The following TNFRSF21 variants were observed in gnomAD, a reference collection of about 807,000 sequenced individuals.
TNFRSF21 encodes tumor necrosis factor receptor superfamily member 21.
Under a neutral mutation model 45.6 loss-of-function variants are expected in TNFRSF21, and 19 were observed. The ratio of observed to expected loss-of-function variants is 0.42; its 90% confidence interval spans 0.29 to 0.61. The LOEUF is 0.61. Ranked by LOEUF, TNFRSF21 falls within the 20% of genes least tolerant of loss-of-function variation. TNFRSF21 has a pLI of 0.23. For synonymous variants in TNFRSF21, 314 were observed against 335.5 expected (o/e 0.94, Z 0.70); for missense variants, 737 against 851.5 (o/e 0.87, Z 1.67).
At chr6:47,299,990 A>T (rs139341280) in intron 1 of TNFRSF21, among the ~76,000 whole-genome samples, 1 of 152,326 alleles carries the variant, frequency 6.6e-6, no homozygotes, top group South Asian at 2.1e-4. Flanking sequence ...GGAAACAACC[A>T]AAAAGGAAAA....
Position 47,260,751 on chromosome 6 carries a change from C to A in TNFRSF21, c.1244-7230G>T, listed in dbSNP as rs192148517. 2.0e-5 allele frequency among the ~76,000 whole-genome samples: 3 copies of A among 152,276 alleles called. No individual in the cohort carries two copies. In the East Asian group the frequency reaches 5.8e-4, roughly 29 times the overall value. On this transcript the variant is annotated intron_variant, in intron 3 of 5. Coordinates refer to ENST00000296861, the MANE Select transcript of TNFRSF21 (RefSeq NM_014452.5). ...GGCTGCCTGGAACTATACAACATAG[C>A]ACTCAGTTTCATGCTGCACAATCAG... is the stretch of plus-strand genomic sequence containing the variant.
chr6:47,282,326 G>A (rs887773979), intron 3 of TNFRSF21, among the ~76,000 whole-genome samples: 2 of 150,452 alleles, frequency 1.3e-5, no homozygotes, highest in African/African-American at 4.9e-5. Flanking sequence ...TGAAGTTGTG[G>A]TGAGCTGAGA....
At chr6:47,303,273 T>C (rs144784806) in intron 1 of TNFRSF21, among the ~76,000 whole-genome samples, 11 of 152,368 alleles carry the variant, frequency 7.2e-5, no homozygotes, top group South Asian at 2.1e-4. Context: ...AAAGATTAGA[T>C]AATGAGCCTT....
At chr6:47,304,827 T>C (rs571445530) in intron 1 of TNFRSF21, among the ~76,000 whole-genome samples, 2 of 152,314 alleles carry the variant, frequency 1.3e-5, no homozygotes, top group East Asian at 1.9e-4. Context: ...TGTACTGGAC[T>C]TGGGGAAGAT....
intron 1 of TNFRSF21, among the ~76,000 whole-genome samples, chr6:47,303,914 T>C (rs187034888): frequency 2.0e-4 from 31 of 152,376 alleles, no homozygotes; most frequent in Non-Finnish European, 3.7e-4. Context: ...CCCAGCCTTC[T>C]GCTAATGCTA....
chr6:47,292,522 C>T (rs1762742588), intron 1 of TNFRSF21, among the ~76,000 whole-genome samples: 1 of 152,222 alleles, frequency 6.6e-6, no homozygotes, highest in East Asian at 1.9e-4. Flanking sequence ...TTTTGGACAC[C>T]CTGAACTAAG....
At chr6:47,239,542 T>C (rs1158227146) in intron 4 of TNFRSF21, among the ~76,000 whole-genome samples, 1 of 152,186 alleles carries the variant, frequency 6.6e-6, no homozygotes, top group Non-Finnish European at 1.5e-5. Flanking sequence ...GGCAGCATTC[T>C]TGGGTAGACT....
rs559184023 is a variant in TNFRSF21, at chr6:47,291,883, G to A, written c.97-5288C>T. ...GCCTCTTTCGCCTGAGTGAAACCCT[G>A]CTGAGAGGAAGAGTTGGCAACATCC... On this transcript the variant is annotated intron_variant, in intron 1 of 5. Transcript: ENST00000296861. Among the ~76,000 whole-genome samples, 4 of 152,330 alleles carry A rather than the reference G, an allele frequency of 2.6e-5. No homozygotes were observed. In the East Asian group the frequency reaches 7.7e-4, roughly 29 times the overall value.
At chr6:47,261,121 C>A (rs1302348624) in intron 3 of TNFRSF21, among the ~76,000 whole-genome samples, 1 of 152,194 alleles carries the variant, frequency 6.6e-6, no homozygotes, top group East Asian at 1.9e-4. Flanking sequence ...AAAAGACATG[C>A]TCCTAACAGG....
intron 3 of TNFRSF21, among the ~76,000 whole-genome samples, chr6:47,253,914 G>A (rs1764941569): frequency 1.3e-5 from 2 of 152,190 alleles, no homozygotes; most frequent in South Asian, 4.1e-4. Context: ...GCCATGGATG[G>A]TACAGAGCCC....
Position 47,309,630 on chromosome 6 carries a change from A to C in TNFRSF21, c.-119T>G. On this transcript the variant is annotated 5_prime_UTR_variant, in exon 1 of 6. Coordinates refer to ENST00000296861, the MANE Select transcript of TNFRSF21 (RefSeq NM_014452.5). ...CCGGGCCGGGAGCCCATCTACCTCC[A>C]ACACCCCATGTGCACTGCTGCGGCC... is the stretch of plus-strand genomic sequence containing the variant. The C allele has an allele frequency of 7.5e-7, 1 of 1,324,670 alleles. No individual in the cohort carries two copies. The highest frequency in any genetic ancestry group is 9.7e-7 in the Non-Finnish European group (1 of 1,032,200). 82.1% of individuals were successfully genotyped at this position (1,324,670 alleles called of 1,614,324 possible). A position where few individuals can be genotyped will look rare whatever the true frequency, so the allele number is the denominator to read the frequency against.
At chr6:47,253,126 G>T (rs993822175) in intron 4 of TNFRSF21, 130 bp downstream of exon 4, 1 of 1,095,862 alleles carries the variant, frequency 9.1e-7, no homozygotes, top group Admixed American at 2.6e-5. Context: ...GTGTGCAGGC[G>T]TATGCGTGTG....
At chr6:47,299,857 T>C (rs1215423561) in intron 1 of TNFRSF21, among the ~76,000 whole-genome samples, 2 of 152,242 alleles carry the variant, frequency 1.3e-5, no homozygotes, top group Non-Finnish European at 2.9e-5. Flanking sequence ...TCAGTTCTTC[T>C]GGACTACAGT....
chr6:47,260,153 G>A (rs1765051552), intron 3 of TNFRSF21, among the ~76,000 whole-genome samples: 2 of 152,122 alleles, frequency 1.3e-5, no homozygotes, highest in Middle Eastern at 3.2e-3. Flanking sequence ...TACAAACACA[G>A]GTTTTAGCAC....
intron 3 of TNFRSF21, among the ~76,000 whole-genome samples, chr6:47,259,945 A>G (rs1272861371): frequency 6.6e-6 from 1 of 152,218 alleles, no homozygotes; most frequent in Non-Finnish European, 1.5e-5. Flanking sequence ...GCAACCTCTC[A>G]GATTTCACTT....
chr6:47,294,432 G>A (rs1321526580), intron 1 of TNFRSF21, among the ~76,000 whole-genome samples: 4 of 152,198 alleles, frequency 2.6e-5, no homozygotes, highest in African/African-American at 4.8e-5. Context: ...GTGAGCCAAC[G>A]CGCCCGGCTG....
At chr6:47,262,484 A>T (rs1765087711) in intron 3 of TNFRSF21, among the ~76,000 whole-genome samples, 1 of 152,244 alleles carries the variant, frequency 6.6e-6, no homozygotes, top group Admixed American at 6.5e-5. Flanking sequence ...GTGAAACAAA[A>T]TCCCTTTCTT....
intron 1 of TNFRSF21, among the ~76,000 whole-genome samples, 168 bp downstream of exon 1, chr6:47,309,248 G>A (rs1679196688): frequency 6.6e-6 from 1 of 152,118 alleles, no homozygotes; most frequent in Non-Finnish European, 1.5e-5. Flanking sequence ...TAACCTAGTC[G>A]AGGCCCTCTG....
chr6:47,275,972 T>A (rs1762490928), intron 3 of TNFRSF21, among the ~76,000 whole-genome samples: 2 of 152,218 alleles, frequency 1.3e-5, no homozygotes, highest in Admixed American at 1.3e-4. Context: ...GTAGGCACAC[T>A]CAGGTAAGGC....
Sources: allele counts gnomAD v4.1 joint callset (sites outside exome capture counted in the v4.1 genomes callset), GRCh38; gene constraint gnomAD v4.1.1; transcripts MANE v1.5; gene names NCBI Gene and HGNC (gene_info 2026-07-23, HGNC 2026-07-21).